ZC3H13: variants seen among roughly 807,000 people sequenced by gnomAD.
ZC3H13 encodes zinc finger CCCH-type containing 13.
A neutral mutation model predicts 204.1 loss-of-function variants in ZC3H13; 64 were observed. The observed-to-expected ratio is 0.31, with a 90% CI of 0.26 to 0.39. The LOEUF (loss-of-function observed/expected upper bound fraction) is 0.39. ZC3H13 is among the 10% of genes least tolerant of loss of function. The pLI, the probability that ZC3H13 is intolerant of heterozygous loss-of-function variation, is 1.00. For synonymous variants in ZC3H13, 667 were observed against 693.7 expected, an observed-to-expected ratio of 0.96 and a Z score of 0.60; for missense variants, 1,833 against 2,082.7, an observed-to-expected ratio of 0.88 and a Z score of 2.33.
intron 17 of ZC3H13, chr13:45,962,642 A>C (rs1198331907): frequency 2.3e-5 from 23 of 981,942 alleles, no homozygotes; most frequent in African/African-American, 3.5e-5. Context: ...TATTAAAATA[A>C]AAAAATTTAC....
Position 45,975,578 on chromosome 13 carries a change from G to T in ZC3H13, c.2173C>A (p.Arg725Ser), listed in dbSNP as rs778492328. ...TGGTCTCGGTCTCTATCCCTTTCAC[G>T]ATCTCTCTCTTTTTCTCTTTCTCTC... ...REREREKERD[R>S]ERDRDRDHDR... is the part of the protein sequence containing the mutation. The change falls in exon 12 of 19, where the codon CGT becomes AGT. Residue 725 changes from arginine to serine, a missense_variant. By Grantham distance (110) the Arg-to-Ser change is moderately radical. This residue lies in a region of ZC3H13 where 1,574 missense variants were observed against 1,757.2 expected (regional missense o/e 0.90). Transcript: ENST00000679008. The T allele has an allele frequency of 3.2e-6, 5 of 1,568,666 alleles. No individual in the cohort carries two copies. Among genetic ancestry groups the T allele is most frequent in the Non-Finnish European group, 4.3e-6 (5 of 1,157,954 alleles).
intron 4 of ZC3H13, among the ~76,000 whole-genome samples, chr13:46,023,721 T>C (rs1326263269): frequency 6.6e-6 from 1 of 152,166 alleles, no homozygotes; most frequent in African/African-American, 2.4e-5. Flanking sequence ...AGTCTATATA[T>C]AGGGTAAACT....
At chr13:45,963,049 GTATTACTA>G (rs1407200093) in intron 17 of ZC3H13, 249 of 985,010 alleles carry the variant, frequency 2.5e-4, no homozygotes, top group Non-Finnish European at 2.9e-4. Flanking sequence ...TATTTATTGG[GTATTACTA>G]TATGCCAGGA....
rs574878847 is a variant in ZC3H13 at position 45,954,700 on chromosome 13, G to A, written c.*2427C>T. On this transcript the variant is annotated 3_prime_UTR_variant, in exon 19 of 19. Transcript: ENST00000679008. Reference sequence around the variant, plus strand: ...TATGTACCTTAATCTTTACACAATTGGACAGTGAGGAGCAAAGTGGGAGAT... The same window carrying A: ...TATGTACCTTAATCTTTACACAATTAGACAGTGAGGAGCAAAGTGGGAGAT... The A allele has an allele frequency of 3.7e-4, 56 of 152,250 alleles. No homozygotes were observed. Among genetic ancestry groups the A allele is most frequent in the African/African-American group, 1.3e-3 (55 of 41,538 alleles). The allele number at this position is 152,250 out of a possible 1,614,324, so 9.4% of individuals were successfully genotyped here. A position where few individuals can be genotyped will look rare whatever the true frequency, so the allele number is the denominator to read the frequency against.
At chr13:45,985,174 T>A in intron 10 of ZC3H13, 123 bp downstream of exon 10, 1 of 1,058,342 alleles carries the variant, frequency 9.4e-7, no homozygotes, top group East Asian at 2.6e-5. Context: ...GACTACAAGT[T>A]CAATTAATTA....
At chr13:45,988,271 T>A (rs1421336686) in intron 9 of ZC3H13, among the ~76,000 whole-genome samples, 2 of 152,158 alleles carry the variant, frequency 1.3e-5, no homozygotes, top group African/African-American at 2.4e-5. Flanking sequence ...ATTGTTATTA[T>A]TTTTGAGATG....
intron 5 of ZC3H13, among the ~76,000 whole-genome samples, chr13:46,011,800 G>T (rs2041582820): frequency 6.6e-6 from 1 of 152,086 alleles, no homozygotes; most frequent in Non-Finnish European, 1.5e-5. Context: ...AACAATTTTG[G>T]GTTGTTTGGA....
intron 4 of ZC3H13, among the ~76,000 whole-genome samples, chr13:46,031,360 G>A (rs7981685): frequency 0.75 from 113,778 of 151,984 alleles, 43,055 homozygotes; most frequent in African/African-American, 0.85. Flanking sequence ...ACATAAGAGA[G>A]TATCTAGATG....
chr13:45,985,894 C>G (rs1954143772), intron 9 of ZC3H13, 133 bp from the exon 10 acceptor site: 1 of 819,504 alleles, frequency 1.2e-6, no homozygotes, highest in Non-Finnish European at 1.8e-6. Context: ...AATAAAGAAG[C>G]TAAAATTCCA....
At chr13:45,972,294 T>G (rs1251956278) in intron 12 of ZC3H13, among the ~76,000 whole-genome samples, 1 of 151,984 alleles carries the variant, frequency 6.6e-6, no homozygotes, top group Admixed American at 6.6e-5. Flanking sequence ...GTGGTATATA[T>G]ACACCATGAA....
chr13:45,992,244 T>C (rs2138319694), intron 8 of ZC3H13, among the ~76,000 whole-genome samples: 1 of 152,346 alleles, frequency 6.6e-6, no homozygotes, highest in South Asian at 2.1e-4. Context: ...TATTAAATCA[T>C]TTTAATTCAC....
chr13:46,009,303 G>C (rs778201774), intron 7 of ZC3H13, among the ~76,000 whole-genome samples: 1 of 152,108 alleles, frequency 6.6e-6, no homozygotes, highest in Non-Finnish European at 1.5e-5. Context: ...AAAAACCACT[G>C]AGTTTTTCAA....
rs1399708598 is a variant in ZC3H13 at position 45,978,072 on chromosome 13, C to G, written c.1912+1741G>C. ...CTGCACCCTCTCCCTGTAAAGTGCT[C>G]CTTCTATAGTTTCCTTTTATTCTTC... On this transcript the variant is annotated intron_variant, in intron 11 of 18. Transcript: ENST00000679008. Among the ~76,000 whole-genome samples, 3 of 152,096 alleles carry G rather than the reference C, an allele frequency of 2.0e-5. No individual in the cohort carries two copies. The East Asian group carries it at 5.8e-4, about 29-fold the overall frequency.
At chr13:46,012,930 GA>G (rs2041663641) in intron 5 of ZC3H13, among the ~76,000 whole-genome samples, 1 of 152,188 alleles carries the variant, frequency 6.6e-6, no homozygotes, top group Admixed American at 6.5e-5. Flanking sequence ...ACAACGGAAA[GA>G]GTAGTTAATT....
intron 8 of ZC3H13, among the ~76,000 whole-genome samples, chr13:45,993,469 TAAGAA>T (rs1392331650): frequency 6.6e-6 from 1 of 152,122 alleles, no homozygotes; most frequent in East Asian, 1.9e-4. Flanking sequence ...TCTTGATGTA[TAAGAA>T]TAGAAAGAAG....
chr13:45,973,586 T>A (rs1952767902), intron 12 of ZC3H13, among the ~76,000 whole-genome samples: 2 of 152,198 alleles, frequency 1.3e-5, no homozygotes, highest in African/African-American at 4.8e-5. Flanking sequence ...ATCTGAAATG[T>A]TCCAATGAGC....
chr13:46,009,596 T>C (rs1035531741), intron 7 of ZC3H13, among the ~76,000 whole-genome samples: 1 of 145,786 alleles, frequency 6.9e-6, no homozygotes, highest in Non-Finnish European at 1.5e-5. Context: ...AGGTAGAAGA[T>C]ATTTTTAGTT....
At chr13:46,007,106 T>C (rs1380745940) in intron 7 of ZC3H13, among the ~76,000 whole-genome samples, 2 of 152,192 alleles carry the variant, frequency 1.3e-5, no homozygotes, top group African/African-American at 2.4e-5. Context: ...AAAGGAATTC[T>C]TGACACAAAC....
chr13:45,988,172 T>C lies in ZC3H13; in HGVS notation c.1255+615A>G, dbSNP rs146420818. Among the ~76,000 whole-genome samples the C allele has an allele frequency of 2.7e-3, 413 of 152,278 alleles. 4 individuals carry two copies. The highest frequency in any genetic ancestry group is 9.3e-3 in the African/African-American group (385 of 41,550). ...TTTTCAAAAGACATTAACTCAGTGA[T>C]TGAAAAGGATGCTCTAAGAATCAGA... is the stretch of plus-strand genomic sequence containing the variant. On this transcript the variant is annotated intron_variant, in intron 9 of 18. Transcript: ENST00000679008.
Sources: gnomAD v4.1 joint callset for allele counts (sites outside exome capture counted in the v4.1 genomes callset) on GRCh38, gnomAD v4.1.1 for gene constraint, gnomAD v4.1.1 regional missense constraint, MANE v1.5 for transcripts, NCBI Gene and HGNC (gene_info 2026-07-23, HGNC 2026-07-21) for gene names.